The following MREG variants were observed in gnomAD, a reference collection of about 807,000 sequenced individuals.
The protein encoded by MREG is dilute suppressor protein homolog.
In MREG, 31 loss-of-function variants were observed where a neutral mutation model predicts 28.5. That is an observed-to-expected ratio of 1.09 (90% CI 0.82 to 1.47). MREG has a LOEUF of 1.47. MREG is among the 40% of genes most tolerant of loss of function. MREG has a pLI of 0.00. For missense variants in MREG, 256 were observed against 257.4 expected (o/e 0.99, Z 0.04); for synonymous variants, 106 against 95.2 (o/e 1.11, Z -0.66).
chr2:216,018,909 CAAG>C (rs1694483429), intron 1 of MREG, among the ~76,000 whole-genome samples: 1 of 152,012 alleles, frequency 6.6e-6, no homozygotes. Context: ...GACATGTGAC[CAAG>C]AAATTGACAT....
intron 1 of MREG, among the ~76,000 whole-genome samples, chr2:216,004,814 G>A (rs954865492): frequency 6.6e-6 from 1 of 152,188 alleles, no homozygotes; most frequent in African/African-American, 2.4e-5. Flanking sequence ...ATTCAGAACT[G>A]TAAAGAAATA....
rs1692337150 is a variant in MREG at position 215,946,874 on chromosome 2, T to C, written c.346+149A>G. 1.7e-5 allele frequency: 10 copies of C among 602,038 alleles called. No homozygotes were observed. In the South Asian group the frequency reaches 1.8e-4, roughly 11 times the overall value. 37.3% of individuals were successfully genotyped at this position (602,038 alleles called of 1,614,324 possible). On this transcript the variant is annotated intron_variant, in intron 3 of 4. Transcript: ENST00000263268. The stretch of plus-strand genomic sequence containing the variant: ...CATCAGGCATTTATGCTTGAGGATA[T>C]AAGAGCAAGATTGGGAGAATAATTA...
intron 1 of MREG, among the ~76,000 whole-genome samples, chr2:216,006,807 T>C (rs6747159): frequency 0.073 from 11,109 of 152,280 alleles, 584 homozygotes; most frequent in Middle Eastern, 0.17. Flanking sequence ...CTTCTAGAGT[T>C]GGTGGTGATT....
intron 2 of MREG, among the ~76,000 whole-genome samples, chr2:215,978,299 C>T (rs1412815792): frequency 6.6e-6 from 1 of 152,118 alleles, no homozygotes; most frequent in East Asian, 1.9e-4. Context: ...TGAATAAATT[C>T]CTGGACACAT....
chr2:216,033,797 A>G (rs1264819914), upstream of MREG: 3 of 152,382 alleles, frequency 2.0e-5, no homozygotes, highest in African/African-American at 7.2e-5. Flanking sequence ...ACTGCCTCTC[A>G]CTAGACTGAG....
At chr2:215,970,647 CT>C (rs1229406790) in intron 2 of MREG, among the ~76,000 whole-genome samples, 1 of 152,194 alleles carries the variant, frequency 6.6e-6, no homozygotes, top group African/African-American at 2.4e-5. Context: ...AGCTTCACCC[CT>C]GACTAGCAAG....
intron 1 of MREG, among the ~76,000 whole-genome samples, chr2:216,009,347 A>AG (rs1195705543): frequency 6.6e-6 from 1 of 152,066 alleles, no homozygotes; most frequent in East Asian, 1.9e-4. Context: ...AAAATGCAAA[A>AG]AAAAAAATGC....
chr2:216,022,791 A>G (rs1007313368), intron 1 of MREG, among the ~76,000 whole-genome samples: 7 of 152,226 alleles, frequency 4.6e-5, no homozygotes, highest in African/African-American at 9.6e-5. Flanking sequence ...TCCTAATTCA[A>G]TTAAACTCTA....
At chr2:215,989,199 C>T (rs970968311) in intron 2 of MREG, among the ~76,000 whole-genome samples, 1 of 152,212 alleles carries the variant, frequency 6.6e-6, no homozygotes, top group Non-Finnish European at 1.5e-5. Flanking sequence ...GAGGAAGGAA[C>T]AGGCAGCAAT....
Position 215,947,019 on chromosome 2 carries a change from T to G in MREG, c.346+4A>C. 6.5e-7 allele frequency: 1 copy of G among 1,549,502 alleles called. No individual in the cohort carries two copies. The highest frequency in any genetic ancestry group is 8.9e-7 in the Non-Finnish European group (1 of 1,121,918). On this transcript the variant is annotated splice_donor_region_variant and intron_variant, in intron 3 of 4. Coordinates refer to ENST00000263268, the MANE Select transcript of MREG (RefSeq NM_018000.3). ...TACCATTTCACAATCTCTTTTAGACTTACCTAAATCTTCTAAGATGCACTT... is the reference window on the plus strand; with the variant it reads ...TACCATTTCACAATCTCTTTTAGACGTACCTAAATCTTCTAAGATGCACTT...
chr2:215,968,904 C>T (rs1174126849), intron 2 of MREG, among the ~76,000 whole-genome samples: 4 of 152,134 alleles, frequency 2.6e-5, no homozygotes, highest in Non-Finnish European at 2.9e-5. Context: ...TAAGGGTGCA[C>T]ACCACCACGC....
intron 1 of MREG, among the ~76,000 whole-genome samples, chr2:216,005,921 C>T (rs1425051273): frequency 6.7e-6 from 1 of 150,158 alleles, no homozygotes; most frequent in Non-Finnish European, 1.5e-5. Context: ...TTGTTGCACA[C>T]TATGTCACCA....
At chr2:215,971,209 T>C (rs1693085189) in intron 2 of MREG, among the ~76,000 whole-genome samples, 1 of 152,126 alleles carries the variant, frequency 6.6e-6, no homozygotes, top group African/African-American at 2.4e-5. Context: ...AAAACCTAGA[T>C]GACGGGTTGA....
chr2:215,975,807 C>T (rs1056281390), intron 2 of MREG, among the ~76,000 whole-genome samples: 8 of 152,222 alleles, frequency 5.3e-5, no homozygotes, highest in Admixed American at 2.0e-4. Context: ...CTCATAGGGC[C>T]GGGCGCCGTG....
intron 2 of MREG, among the ~76,000 whole-genome samples, chr2:215,982,596 T>C (rs1258050555): frequency 1.3e-5 from 2 of 152,114 alleles, no homozygotes; most frequent in Admixed American, 6.5e-5. Context: ...GGGTGAGTAA[T>C]GATCAGCAAA....
chr2:215,999,804 TG>T (rs1459038761), intron 1 of MREG, among the ~76,000 whole-genome samples: 1 of 152,142 alleles, frequency 6.6e-6, no homozygotes, highest in Non-Finnish European at 1.5e-5. Context: ...AAGCCACGGC[TG>T]ACATGATGAG....
chr2:215,982,433 C>T (rs1693454386), intron 2 of MREG, among the ~76,000 whole-genome samples: 1 of 151,946 alleles, frequency 6.6e-6, no homozygotes, highest in South Asian at 2.1e-4. Flanking sequence ...CGGGGATGAG[C>T]AAAGAATAGA....
chr2:216,014,005 C>T (rs750731940), upstream of MREG, among the ~76,000 whole-genome samples: 8 of 151,966 alleles, frequency 5.3e-5, no homozygotes, highest in Non-Finnish European at 1.0e-4. Flanking sequence ...TGTGAGGCAA[C>T]CACTTGTGAG....
intron 4 of MREG, 138 bp downstream of exon 4, chr2:215,945,433 C>A: frequency 4.8e-6 from 5 of 1,052,346 alleles, no homozygotes; most frequent in Non-Finnish European, 6.8e-6. Context: ...CACTGGGGAC[C>A]ACAGCATATA....
Sources: gnomAD v4.1 joint callset for allele counts (sites outside exome capture counted in the v4.1 genomes callset) on GRCh38, gnomAD v4.1.1 for gene constraint, MANE v1.5 for transcripts, NCBI Gene and HGNC (gene_info 2026-07-23, HGNC 2026-07-21) for gene names.